The following TIAM2 variants were observed in gnomAD, a reference collection of about 807,000 sequenced individuals.
TIAM2 encodes the protein TIAM Rac1 associated GEF 2, also known as rho guanine nucleotide exchange factor TIAM2.
In TIAM2, 80 loss-of-function variants were observed where a neutral mutation model predicts 152.9. That is an observed-to-expected ratio of 0.52 (90% CI 0.44 to 0.63). The LOEUF (loss-of-function observed/expected upper bound fraction) is 0.63. Among genes scored for constraint, TIAM2 ranks in the 30% least tolerant of loss-of-function variants. TIAM2 has a pLI of 0.00. For missense variants in TIAM2, 1,965 were observed against 2,120.1 expected (o/e 0.93, Z 1.44); for synonymous variants, 804 against 838.0 (o/e 0.96, Z 0.70).
chr6:155,059,491 T>C (rs975966140), intron 1 of TIAM2, among the ~76,000 whole-genome samples: 5 of 152,208 alleles, frequency 3.3e-5, no homozygotes, highest in African/African-American at 1.2e-4. Context: ...AGCAAATTTT[T>C]TTTTAGCCGA....
intron 1 of TIAM2, among the ~76,000 whole-genome samples, chr6:155,088,759 A>G (rs780646809): frequency 1.3e-5 from 2 of 152,234 alleles, no homozygotes; most frequent in Non-Finnish European, 2.9e-5. Context: ...AATGCAGCCC[A>G]ACACAAATTC....
chr6:155,164,752 T>C lies in TIAM2; in HGVS notation c.2214+152T>C, dbSNP rs1780375302. On this transcript the variant is annotated intron_variant, in intron 8 of 26. Transcript: ENST00000682666. ...CACCCAGAGGCCAGGGGCCTGGAGA[T>C]GAAGGAGACCAGACGTCGTGCTGTA... 3 of 926,220 alleles carry C rather than the reference T, an allele frequency of 3.2e-6. No individual in the cohort carries two copies. The East Asian group carries it at 7.3e-5, about 23-fold the overall frequency. The allele number at this position is 926,220 out of a possible 1,614,324, so 57.4% of individuals were successfully genotyped here.
chr6:155,172,135 T>C (rs1396131713), intron 9 of TIAM2, among the ~76,000 whole-genome samples: 3 of 152,204 alleles, frequency 2.0e-5, no homozygotes, highest in Non-Finnish European at 4.4e-5. Context: ...TAAATACTTC[T>C]GTGGAATGCC....
chr6:155,212,404 C>G (rs1451878591), intron 15 of TIAM2, among the ~76,000 whole-genome samples: 2 of 152,126 alleles, frequency 1.3e-5, no homozygotes, highest in African/African-American at 4.8e-5. Context: ...TGTCAGCTAC[C>G]CTTTCAGAAA....
chr6:155,190,127 A>C (rs559183896), intron 14 of TIAM2, among the ~76,000 whole-genome samples: 39 of 152,368 alleles, frequency 2.6e-4, no homozygotes, highest in African/African-American at 8.7e-4. Context: ...TGAATATTGT[A>C]TTACTACTTC....
At chr6:155,063,681 C>T (rs80039762) in intron 1 of TIAM2, among the ~76,000 whole-genome samples, 3,437 of 149,420 alleles carry the variant, frequency 0.023, 128 homozygotes, top group African/African-American at 0.08. Flanking sequence ...ATTTGGGAGG[C>T]TGAGGCAGGA....
Position 155,257,308 on chromosome 6 carries a change from G to GAA in TIAM2, c.*189_*190dup. 1 of 660,874 alleles carries GAA rather than the reference G, an allele frequency of 1.5e-6. No homozygotes were observed. Among genetic ancestry groups the GAA allele is most frequent in the Non-Finnish European group, 2.5e-6 (1 of 402,884 alleles). 40.9% of individuals were successfully genotyped at this position (660,874 alleles called of 1,614,324 possible). A position where few individuals can be genotyped will look rare whatever the true frequency, so the allele number is the denominator to read the frequency against. Reference sequence around the variant, plus strand: ...TTTATTGTGGATCAGAAACCTAGATGAAACTGGTCAGAATCTGTAAATTAC... The same window carrying GAA: ...TTTATTGTGGATCAGAAACCTAGATGAAAAACTGGTCAGAATCTGTAAATTAC... On this transcript the variant is annotated 3_prime_UTR_variant, in exon 27 of 27. Transcript: ENST00000682666.
Position 155,148,342 on chromosome 6 carries a change from T to C in TIAM2, c.2028+8T>C. ...AAAGCCATAGAGAACCAGGTACTGT[T>C]TGTCTACACCTGAGTTTTCTTCCAT... On this transcript the variant is annotated splice_region_variant and intron_variant, in intron 7 of 26. Transcript: ENST00000682666. 6.2e-7 allele frequency: 1 copy of C among 1,609,146 alleles called. No homozygotes were observed. Among genetic ancestry groups the C allele is most frequent in the East Asian group, 2.2e-5 (1 of 44,832 alleles).
At chr6:155,012,265 T>TGTGAGA (rs1470400248) in intron 1 of TIAM2, among the ~76,000 whole-genome samples, 12 of 152,228 alleles carry the variant, frequency 7.9e-5, no homozygotes, top group African/African-American at 2.7e-4. Context: ...TTTCTTATCC[T>TGTGAGA]GTTCTTTACT....
intron 1 of TIAM2, among the ~76,000 whole-genome samples, chr6:155,024,158 C>A (rs1776554102): frequency 6.6e-6 from 1 of 152,150 alleles, no homozygotes. Flanking sequence ...GTCTTGCTGG[C>A]CTCTACAGCT....
At chr6:155,146,070 T>C (rs1364346146) in intron 6 of TIAM2, among the ~76,000 whole-genome samples, 1 of 152,206 alleles carries the variant, frequency 6.6e-6, no homozygotes, top group Non-Finnish European at 1.5e-5. Flanking sequence ...ATGAATGTTT[T>C]ATTTTGTGAT....
chr6:155,226,948 C>T (rs6933060), intron 15 of TIAM2, among the ~76,000 whole-genome samples: 132,131 of 152,190 alleles, frequency 0.87, 57,489 homozygotes, highest in East Asian at 1. Context: ...TTGGCTCTGA[C>T]TGTCCCGTGG....
intron 2 of TIAM2, among the ~76,000 whole-genome samples, chr6:155,113,766 T>A (rs1343165914): frequency 1.3e-5 from 2 of 151,960 alleles, no homozygotes; most frequent in Non-Finnish European, 2.9e-5. Context: ...CTCTCTCCAC[T>A]TTAGTATAAG....
intron 1 of TIAM2, among the ~76,000 whole-genome samples, chr6:155,012,336 A>C (rs1388481531): frequency 2.0e-5 from 3 of 152,194 alleles, no homozygotes; most frequent in Admixed American, 2.0e-4. Flanking sequence ...AATCCTTAAC[A>C]GTATTTTGAT....
At chr6:155,210,522 CTA>C (rs1279287454) in intron 14 of TIAM2, among the ~76,000 whole-genome samples, 1 of 151,784 alleles carries the variant, frequency 6.6e-6, no homozygotes, top group Non-Finnish European at 1.5e-5. Flanking sequence ...CGTAGAGACA[CTA>C]TGTAGTCTCA....
chr6:155,211,350 G>T, intron 15 of TIAM2, 43 bp downstream of exon 15: 3 of 1,554,770 alleles, frequency 1.9e-6, no homozygotes, highest in Non-Finnish European at 2.7e-6. Flanking sequence ...CCAGGCAGGC[G>T]AGTGTTAGTT....
chr6:155,056,167 C>CTTTTTTTTTTTTTT (rs763205169), intron 1 of TIAM2, among the ~76,000 whole-genome samples: 32 of 98,602 alleles, frequency 3.2e-4, no homozygotes, highest in African/African-American at 1.1e-3. Context: ...TATTGTTCTT[C>CTTTTTTTTTTTTTT]TTTTTTTTTT....
chr6:155,115,731 C>T (rs1226694376), intron 2 of TIAM2, among the ~76,000 whole-genome samples: 2 of 152,190 alleles, frequency 1.3e-5, no homozygotes, highest in Non-Finnish European at 2.9e-5. Context: ...CATTATTCAT[C>T]CCCTGGAGGC....
chr6:155,244,109 T>TG (rs757690225), intron 17 of TIAM2, 30 bp downstream of exon 17: 1 of 1,595,276 alleles, frequency 6.3e-7, no homozygotes, highest in South Asian at 1.1e-5. Flanking sequence ...TTCTGTCCAG[T>TG]GATCCACAGG....
Sources: allele counts gnomAD v4.1 joint callset (sites outside exome capture counted in the v4.1 genomes callset), GRCh38; gene constraint gnomAD v4.1.1; transcripts MANE v1.5; gene names NCBI Gene and HGNC (gene_info 2026-07-23, HGNC 2026-07-21).